Variants in GRIA4 observed in about 807,000 individuals in gnomAD.
GRIA4 encodes the protein glutamate ionotropic receptor AMPA type subunit 4.
Under a neutral mutation model 104.0 loss-of-function variants are expected in GRIA4, and 34 were observed. The ratio of observed to expected loss-of-function variants is 0.33; its 90% CI spans 0.25 to 0.44. The LOEUF is 0.44. Ranked by LOEUF, GRIA4 falls within the 20% of genes least tolerant of loss-of-function variation. The pLI is 1.00. For synonymous variants in GRIA4, 386 were observed against 381.9 expected (o/e 1.01, Z -0.13); for missense variants, 750 against 1,096.5 (o/e 0.68, Z 4.46).
intron 3 of GRIA4, among the ~76,000 whole-genome samples, chr11:105,733,226 C>T (rs984421085): frequency 5.3e-5 from 8 of 152,088 alleles, no homozygotes; most frequent in African/African-American, 1.7e-4. Context: ...TCTTTAATAT[C>T]GCACTACTGG....
At chr11:105,794,473 G>GTATATATATA (rs71041629) in intron 4 of GRIA4, among the ~76,000 whole-genome samples, 46 of 43,854 alleles carry the variant, frequency 1.0e-3, no homozygotes, top group African/African-American at 2.9e-3. Flanking sequence ...GTATATGTAT[G>GTATATATATA]TATATATATA....
chr11:105,856,621 A>G (rs903778406), intron 4 of GRIA4, among the ~76,000 whole-genome samples: 1 of 152,282 alleles, frequency 6.6e-6, no homozygotes, highest in South Asian at 2.1e-4. Context: ...GACTGTCCAT[A>G]GGTCCAAGTT....
chr11:105,772,393 T>C (rs967223032), intron 4 of GRIA4, among the ~76,000 whole-genome samples: 6 of 152,130 alleles, frequency 3.9e-5, no homozygotes, highest in Non-Finnish European at 5.9e-5. Context: ...AGACAATTCA[T>C]CTTCTAAACA....
intron 5 of GRIA4, among the ~76,000 whole-genome samples, chr11:105,866,551 G>GTGTGTATATATATATATATA (rs1299256765): frequency 1.3e-5 from 1 of 76,752 alleles, no homozygotes; most frequent in African/African-American, 6.5e-5. Context: ...GTGTGTGTGT[G>GTGTGTATATATATATATATA]TATATATATA....
At chr11:105,794,512 T>TATATATATATATATAC (rs1313325715) in intron 4 of GRIA4, among the ~76,000 whole-genome samples, 3 of 106,900 alleles carry the variant, frequency 2.8e-5, no homozygotes, top group African/African-American at 1.1e-4. Flanking sequence ...TATATATATA[T>TATATATATATATATAC]ACATATACAC....
rs1951122792 is a variant in GRIA4, at chr11:105,634,356, A to G, written c.247+21922A>G. On this transcript the variant is annotated intron_variant, in intron 3 of 16. Coordinates refer to ENST00000282499, the MANE Select transcript of GRIA4 (RefSeq NM_000829.4). Reference sequence around the variant, plus strand: ...TGACAGAGAGAGTCTCCGTCTCCAAAAAAAAAAAAAAAAGAAGAAGAAAGA... The same window carrying G: ...TGACAGAGAGAGTCTCCGTCTCCAAGAAAAAAAAAAAAAGAAGAAGAAAGA... Among the ~76,000 whole-genome samples the G allele has an allele frequency of 2.7e-5, 4 of 148,192 alleles. 1 individual carries two copies. In the Admixed American group the frequency reaches 2.7e-4, roughly 10 times the overall value.
intron 4 of GRIA4, among the ~76,000 whole-genome samples, chr11:105,860,124 C>T (rs1236358690): frequency 6.6e-6 from 1 of 152,014 alleles, no homozygotes; most frequent in Non-Finnish European, 1.5e-5. Flanking sequence ...AATTAACATG[C>T]CCTCTTTCTT....
At position 105,753,672 on chromosome 11, in the gene GRIA4, C is replaced by A. The variant is rs758933496; in HGVS notation, c.487+452C>A. ...AGATCCTACAGATTGAAGGCTCAGT[C>A]CCCCACAAGACTGAACATCACTTTG... On this transcript the variant is annotated intron_variant, in intron 4 of 16. Transcript: ENST00000282499. Among the ~76,000 whole-genome samples, 111 of 152,196 alleles carry A rather than the reference C, an allele frequency of 7.3e-4. 1 individual carries two copies. The highest frequency in any genetic ancestry group is 1.5e-3 in the Non-Finnish European group (105 of 68,022).
At chr11:105,638,002 G>T (rs899679892) in intron 3 of GRIA4, among the ~76,000 whole-genome samples, 5 of 152,082 alleles carry the variant, frequency 3.3e-5, no homozygotes, top group African/African-American at 1.2e-4. Flanking sequence ...TGTACAACAT[G>T]ATGTTTTCTA....
At chr11:105,785,256 A>G (rs1301921930) in intron 4 of GRIA4, among the ~76,000 whole-genome samples, 2 of 152,202 alleles carry the variant, frequency 1.3e-5, no homozygotes, top group Admixed American at 6.5e-5. Context: ...GGTGAAAAAT[A>G]AATGAGGTAC....
At chr11:105,680,774 A>G (rs1952684235) in intron 3 of GRIA4, among the ~76,000 whole-genome samples, 1 of 152,128 alleles carries the variant, frequency 6.6e-6, no homozygotes, top group African/African-American at 2.4e-5. Context: ...TTGTTTCCCT[A>G]TGAGACTGTG....
chr11:105,669,740 C>G (rs913058652), intron 3 of GRIA4, among the ~76,000 whole-genome samples: 3 of 152,110 alleles, frequency 2.0e-5, no homozygotes, highest in Non-Finnish European at 4.4e-5. Flanking sequence ...TAGGTAGGTA[C>G]TATTTTGTGA....
chr11:105,855,425 G>T (rs1944974588), intron 4 of GRIA4, among the ~76,000 whole-genome samples: 1 of 151,906 alleles, frequency 6.6e-6, no homozygotes, highest in Non-Finnish European at 1.5e-5. Context: ...GGAACTGTGA[G>T]CTTTATATAA....
chr11:105,765,814 T>C (rs941555561), intron 4 of GRIA4, among the ~76,000 whole-genome samples: 6 of 152,204 alleles, frequency 3.9e-5, no homozygotes, highest in Non-Finnish European at 7.3e-5. Flanking sequence ...CAGTATTTTC[T>C]AGCTGGCTAG....
chr11:105,864,927 A>G (rs771246196), intron 5 of GRIA4, among the ~76,000 whole-genome samples: 3 of 152,218 alleles, frequency 2.0e-5, no homozygotes, highest in Non-Finnish European at 4.4e-5. Flanking sequence ...GCATGCCATC[A>G]ATAATTACTT....
chr11:105,719,795 A>G (rs1427097929), intron 3 of GRIA4, among the ~76,000 whole-genome samples: 1 of 151,308 alleles, frequency 6.6e-6, no homozygotes, highest in Non-Finnish European at 1.5e-5. Context: ...AAAAAGCCTG[A>G]GTTGGCATGA....
chr11:105,809,251 A>G (rs1009743260), intron 4 of GRIA4, among the ~76,000 whole-genome samples: 1 of 152,152 alleles, frequency 6.6e-6, no homozygotes, highest in African/African-American at 2.4e-5. Context: ...AGTTTTACAT[A>G]TTTATGGGGT....
intron 4 of GRIA4, among the ~76,000 whole-genome samples, chr11:105,760,412 A>T (rs1940558533): frequency 6.6e-6 from 1 of 152,052 alleles, no homozygotes; most frequent in African/African-American, 2.4e-5. Flanking sequence ...CCCTCCTTAA[A>T]TCCAACTTCT....
rs1008377414 is a variant in GRIA4 at position 105,702,891 on chromosome 11, C to T, written c.248-50090C>T. Among the ~76,000 whole-genome samples the T allele has an allele frequency of 2.6e-5, 4 of 151,774 alleles. No homozygotes were observed. The South Asian group carries it at 6.2e-4, about 24-fold the overall frequency. ...TGTATTTTTAGCAGAGATGCGGTTT[C>T]ACCATGTTGGCCAGACTGGGCTGGA... On this transcript the variant is annotated intron_variant, in intron 3 of 16. Transcript: ENST00000282499.
Sources: allele counts gnomAD v4.1 joint callset (sites outside exome capture counted in the v4.1 genomes callset), GRCh38; gene constraint gnomAD v4.1.1; transcripts MANE v1.5; gene names NCBI Gene and HGNC (gene_info 2026-07-23, HGNC 2026-07-21).